STX8: variants seen among roughly 807,000 people sequenced by gnomAD.
STX8 encodes the protein syntaxin-8.
STX8 carries 23 observed loss-of-function variants against 37.5 expected under a neutral mutation model. The ratio of observed to expected loss-of-function variants is 0.61; its 90% CI spans 0.44 to 0.87. The LOEUF is 0.87. Among genes scored for constraint, STX8 ranks in the 40% least tolerant of loss-of-function variants. The probability of loss-of-function intolerance (pLI) is 0.00; values close to 1 mark genes in which losing one functional copy is unlikely to be tolerated. For missense variants in STX8, 313 were observed against 284.7 expected (o/e 1.10, Z -0.71); for synonymous variants, 115 against 99.1 (o/e 1.16, Z -0.95).
chr17:9,395,703 G>T (rs1444022032), intron 6 of STX8, among the ~76,000 whole-genome samples: 1 of 152,136 alleles, frequency 6.6e-6, no homozygotes, highest in Non-Finnish European at 1.5e-5. Flanking sequence ...CTAGTGACAG[G>T]CTTTGGCCTT....
At chr17:9,293,721 C>A (rs1325255306) in intron 7 of STX8, among the ~76,000 whole-genome samples, 1 of 151,908 alleles carries the variant, frequency 6.6e-6, no homozygotes, top group African/African-American at 2.4e-5. Flanking sequence ...TGCAGTAACC[C>A]CAGATGTCAT....
intron 7 of STX8, among the ~76,000 whole-genome samples, chr17:9,362,584 C>T (rs756614583): frequency 3.3e-5 from 5 of 151,734 alleles, no homozygotes; most frequent in African/African-American, 9.7e-5. Context: ...TTTGGGAGGC[C>T]GAGGTGGGCG....
chr17:9,503,895 G>T (rs1023899558), intron 5 of STX8, among the ~76,000 whole-genome samples: 1 of 152,110 alleles, frequency 6.6e-6, no homozygotes, highest in African/African-American at 2.4e-5. Context: ...CTCCTGAGTA[G>T]CTAGGACTAC....
intron 6 of STX8, among the ~76,000 whole-genome samples, chr17:9,380,014 T>A (rs1239790491): frequency 2.0e-5 from 3 of 152,006 alleles, no homozygotes; most frequent in South Asian, 4.1e-4. Context: ...ATTTCTTTTT[T>A]AATTCTAATC....
intron 2 of STX8, among the ~76,000 whole-genome samples, chr17:9,566,623 C>T (rs1907471136): frequency 6.6e-6 from 1 of 152,068 alleles, no homozygotes; most frequent in Non-Finnish European, 1.5e-5. Flanking sequence ...CCCATCTCTA[C>T]TAAAAATACA....
intron 6 of STX8, among the ~76,000 whole-genome samples, chr17:9,423,700 G>A (rs1223800665): frequency 6.6e-6 from 1 of 152,152 alleles, no homozygotes; most frequent in Admixed American, 6.6e-5. Flanking sequence ...GTCTTTTTAT[G>A]AGCTTTCAAT....
intron 7 of STX8, among the ~76,000 whole-genome samples, chr17:9,276,432 T>A (rs1292817263): frequency 1.3e-5 from 2 of 152,148 alleles, no homozygotes; most frequent in Non-Finnish European, 2.9e-5. Context: ...TACAGATGTA[T>A]GTGCTTTAAA....
At chr17:9,254,650 C>T (rs1306294468) in intron 7 of STX8, among the ~76,000 whole-genome samples, 1 of 152,122 alleles carries the variant, frequency 6.6e-6, no homozygotes, top group African/African-American at 2.4e-5. Flanking sequence ...CCCTCCTGGG[C>T]CTCCCAAAGT....
intron 6 of STX8, among the ~76,000 whole-genome samples, chr17:9,390,045 C>A (rs1912157624): frequency 2.0e-5 from 3 of 152,200 alleles, no homozygotes; most frequent in African/African-American, 7.2e-5. Flanking sequence ...CAAAGTGGAG[C>A]CTCTGGGAAC....
At chr17:9,480,874 A>ATTTCTTTCTTTCTTTCTTTC (rs1035617720) in intron 6 of STX8, among the ~76,000 whole-genome samples, 1 of 151,022 alleles carries the variant, frequency 6.6e-6, no homozygotes, top group African/African-American at 2.5e-5. Flanking sequence ...TCCTATGCCA[A>ATTTCTTTCTTTCTTTCTTTC]TTTCTTTCTT....
chr17:9,550,561 G>A (rs1036487245), intron 3 of STX8, among the ~76,000 whole-genome samples: 6 of 152,226 alleles, frequency 3.9e-5, no homozygotes, highest in East Asian at 1.9e-4. Context: ...GTGACACAGC[G>A]AGACTCCATC....
At chr17:9,250,674 T>G (rs928243800) in intron 7 of STX8, 29 bp from the exon 8 acceptor site, 10 of 1,564,420 alleles carry the variant, frequency 6.4e-6, no homozygotes, top group Non-Finnish European at 7.8e-6. Flanking sequence ...AAATACTACT[T>G]TTAATGATTC....
chr17:9,430,197 T>C (rs1486100847), intron 6 of STX8, among the ~76,000 whole-genome samples: 1 of 128,162 alleles, frequency 7.8e-6, no homozygotes, highest in Non-Finnish European at 1.6e-5. Flanking sequence ...AAATATAAAT[T>C]ATATATAATT....
chr17:9,329,577 C>T (rs1326093365), intron 7 of STX8, among the ~76,000 whole-genome samples: 2 of 152,208 alleles, frequency 1.3e-5, no homozygotes, highest in East Asian at 1.9e-4. Flanking sequence ...GTAGCCCACC[C>T]ACCTGGGTCT....
chr17:9,385,953 T>A (rs1393813364), intron 6 of STX8, among the ~76,000 whole-genome samples: 1 of 152,190 alleles, frequency 6.6e-6, no homozygotes, highest in Non-Finnish European at 1.5e-5. Context: ...TTTGAATTTT[T>A]AGTAGAGACG....
intron 7 of STX8, among the ~76,000 whole-genome samples, chr17:9,315,292 AC>A (rs375172600): frequency 0.06 from 9,088 of 150,560 alleles, 874 homozygotes; most frequent in African/African-American, 0.21. Flanking sequence ...AACAAAAACA[AC>A]AAAAAAAAAA....
At chr17:9,503,265 CTAAT>C (rs1245559296) in intron 5 of STX8, among the ~76,000 whole-genome samples, 1 of 151,830 alleles carries the variant, frequency 6.6e-6, no homozygotes, top group Non-Finnish European at 1.5e-5. Flanking sequence ...AAAATGGAAA[CTAAT>C]TTATAGTGAC....
At chr17:9,485,594 T>G (rs1482012289) in intron 6 of STX8, among the ~76,000 whole-genome samples, 3 of 150,978 alleles carry the variant, frequency 2.0e-5, no homozygotes, top group Non-Finnish European at 3.0e-5. Context: ...TTTTTTGGTT[T>G]TTTTTTTTTG....
At position 9,364,027 on chromosome 17, in the gene STX8, A is replaced by G. The variant is rs144339860; in HGVS notation, c.643+14525T>C. ...TCCCCAAATAAATGCTGTTAGCAGA[A>G]AAACAGGCTTTTCCACAGTAGGAAC... On this transcript the variant is annotated intron_variant, in intron 7 of 7. Transcript: ENST00000306357. Among the ~76,000 whole-genome samples the G allele has an allele frequency of 2.0e-5, 3 of 152,378 alleles. No homozygotes were observed. In the East Asian group the frequency reaches 5.8e-4, roughly 29 times the overall value.
Sources: gnomAD v4.1 joint callset for allele counts (sites outside exome capture counted in the v4.1 genomes callset) on GRCh38, gnomAD v4.1.1 for gene constraint, MANE v1.5 for transcripts, NCBI Gene and HGNC (gene_info 2026-07-23, HGNC 2026-07-21) for gene names.